The following IL18RAP variants were observed in gnomAD, a reference collection of about 807,000 sequenced individuals.
IL18RAP encodes interleukin-18 receptor accessory protein.
IL18RAP carries 37 observed loss-of-function variants against 58.1 expected under a neutral mutation model. That is an observed-to-expected ratio of 0.64 (90% CI 0.49 to 0.84). The LOEUF is 0.84. IL18RAP is among the 40% of genes least tolerant of loss of function. The probability of loss-of-function intolerance (pLI) is 0.00; values close to 1 mark genes in which losing one functional copy is unlikely to be tolerated. For missense variants in IL18RAP, 667 were observed against 704.8 expected (o/e 0.95, Z 0.61); for synonymous variants, 268 against 257.5 (o/e 1.04, Z -0.39).
At position 102,450,941 on chromosome 2, in the gene IL18RAP, T is replaced by C; in HGVS notation, c.1304T>C (p.Leu435Pro). The C allele has an allele frequency of 3.1e-6, 5 of 1,612,412 alleles. No individual in the cohort carries two copies. The highest frequency in any genetic ancestry group is 4.2e-6 in the Non-Finnish European group (5 of 1,179,274). The change falls in exon 9 of 10, where the codon CTG becomes CCG. Residue 435 changes from leucine (L) to proline (P), a missense_variant. Physicochemically the swap from Leu to Pro is moderately conservative, Grantham distance 98. Coordinates refer to ENST00000687160, the MANE Select transcript of IL18RAP (RefSeq NM_001393487.1). ...TCTCTGAGTGAAGAACACTTGGCCC[T>C]GAGCCTATTTCCTGATGTTTTAGAA... ...TSSLSEEHLA[L>P]SLFPDVLENK... is the part of the protein sequence containing the mutation.
intron 3 of IL18RAP, among the ~76,000 whole-genome samples, chr2:102,431,792 CTAT>C (rs34168805): frequency 0.53 from 80,942 of 151,328 alleles, 23,523 homozygotes; most frequent in African/African-American, 0.74. Context: ...TTCTATTTCT[CTAT>C]TATTAAACTT....
intron 4 of IL18RAP, among the ~76,000 whole-genome samples, chr2:102,440,891 T>G (rs1232900662): frequency 6.6e-6 from 1 of 152,150 alleles, no homozygotes; most frequent in Admixed American, 6.5e-5. Flanking sequence ...AAATAAACCA[T>G]GAGTTTAAGG....
At chr2:102,432,716 C>T (rs546062445) in intron 3 of IL18RAP, among the ~76,000 whole-genome samples, 204 of 152,302 alleles carry the variant, frequency 1.3e-3, no homozygotes, top group Non-Finnish European at 2.3e-3. Flanking sequence ...TGCTGACCTG[C>T]CTTTGCCTCC....
At chr2:102,428,743 T>C (rs1305543805) in intron 3 of IL18RAP, among the ~76,000 whole-genome samples, 1 of 151,962 alleles carries the variant, frequency 6.6e-6, no homozygotes, top group East Asian at 1.9e-4. Flanking sequence ...AGTGCTATGA[T>C]GAAACGAGGT....
At chr2:102,418,666 TC>T (rs1179929367), upstream of IL18RAP, 3 of 152,302 alleles carry the variant, frequency 2.0e-5, no homozygotes, top group African/African-American at 7.2e-5. Flanking sequence ...TATTTGATTT[TC>T]CTCTGTATGA....
Position 102,440,772 on chromosome 2 carries a change from T to C in IL18RAP, c.731-540T>C, listed in dbSNP as rs894765048. Among the ~76,000 whole-genome samples the C allele has an allele frequency of 4.6e-5, 7 of 152,108 alleles. No homozygotes were observed. The East Asian group carries it at 1.2e-3, about 25-fold the overall frequency. ...TTCTTTATCCAGAAAAAGACACACC[T>C]TCAGGAGGAAGTTTGACAGTGGAGG... On this transcript the variant is annotated intron_variant, in intron 4 of 9. Coordinates refer to ENST00000687160, the MANE Select transcript of IL18RAP (RefSeq NM_001393487.1).
chr2:102,419,499 T>C (rs997385319), upstream of IL18RAP: 3 of 152,364 alleles, frequency 2.0e-5, no homozygotes, highest in African/African-American at 7.2e-5. Flanking sequence ...CACTTTCCTC[T>C]CTCTCCCCCG....
chr2:102,420,652 T>C (rs11465682), upstream of IL18RAP, among the ~76,000 whole-genome samples: 2 of 152,342 alleles, frequency 1.3e-5, no homozygotes, highest in Non-Finnish European at 2.9e-5. Flanking sequence ...TTAGCAACCA[T>C]CTGATCTTAT....
chr2:102,421,530 G>A (rs972778936), upstream of IL18RAP, among the ~76,000 whole-genome samples: 2 of 152,220 alleles, frequency 1.3e-5, no homozygotes, highest in African/African-American at 4.8e-5. Flanking sequence ...ACAAGGGAAA[G>A]GCAAGTGGGG....
Position 102,447,130 on chromosome 2 carries a change from G to C in IL18RAP, c.1133G>C (p.Ser378Thr). The C allele has an allele frequency of 2.5e-6, 4 of 1,614,146 alleles. No individual in the cohort carries two copies. The highest frequency in any genetic ancestry group is 2.5e-6 in the Non-Finnish European group (3 of 1,180,028). Residue 378 changes from serine to threonine, a missense_variant, in exon 8 of 10, where the codon AGT becomes ACT. Physicochemically the swap from Ser to Thr is moderately conservative, Grantham distance 58. Coordinates refer to ENST00000687160, the MANE Select transcript of IL18RAP (RefSeq NM_001393487.1). Reference sequence around the variant, plus strand: ...ACCCTGGTGGCCGTGCTGGCGGCGAGTGCCCTCCTCTACAGGCACTGGATT... The same window carrying C: ...ACCCTGGTGGCCGTGCTGGCGGCGACTGCCCTCCTCTACAGGCACTGGATT... ...IGTLVAVLAA[S>T]ALLYRHWIEI...
At chr2:102,436,819 G>GTGTA (rs1553404995) in intron 3 of IL18RAP, among the ~76,000 whole-genome samples, 1,562 of 149,964 alleles carry the variant, frequency 0.01, 25 homozygotes, top group African/African-American at 0.036. Context: ...GTGTGTGTGT[G>GTGTA]TATATATATA....
At chr2:102,426,959 CTA>C (rs1257270594) in intron 3 of IL18RAP, among the ~76,000 whole-genome samples, 1 of 152,130 alleles carries the variant, frequency 6.6e-6, no homozygotes, top group Non-Finnish European at 1.5e-5. Flanking sequence ...TTCTCTACTT[CTA>C]TGAGTTCAAC....
intron 8 of IL18RAP, 42 bp from the exon 9 acceptor site, chr2:102,450,806 G>C: frequency 7.4e-7 from 1 of 1,343,906 alleles, no homozygotes; most frequent in Non-Finnish European, 1.0e-6. Flanking sequence ...GTAAAAAAAA[G>C]AGTAAATGAC....
chr2:102,428,084 G>A (rs1682080201), intron 3 of IL18RAP, among the ~76,000 whole-genome samples: 1 of 151,066 alleles, frequency 6.6e-6, no homozygotes, highest in African/African-American at 2.4e-5. Flanking sequence ...CCAGTACCAT[G>A]CTGTTTTGAT....
Position 102,431,087 on chromosome 2 carries a change from C to T in IL18RAP, c.580-6125C>T, listed in dbSNP as rs1464746387. On this transcript the variant is annotated intron_variant, in intron 3 of 9. Coordinates refer to ENST00000687160, the MANE Select transcript of IL18RAP (RefSeq NM_001393487.1). ...GGCATTCATTTCAGTTTAAATAATT[C>T]CTTTTAGCAATTCTTAAAAGTAGAC... Among the ~76,000 whole-genome samples the T allele has an allele frequency of 2.0e-5, 3 of 152,124 alleles. No homozygotes were observed. The South Asian group carries it at 6.2e-4, about 32-fold the overall frequency.
intron 7 of IL18RAP, 41 bp from the exon 8 acceptor site, chr2:102,447,029 C>T (rs11465722): frequency 0.076 from 122,339 of 1,601,058 alleles, 5,279 homozygotes; most frequent in Non-Finnish European, 0.086. Context: ...GGTCCAATCC[C>T]GCTGCCTCTA....
chr2:102,433,047 T>C (rs974887777), intron 3 of IL18RAP, among the ~76,000 whole-genome samples: 2 of 152,148 alleles, frequency 1.3e-5, no homozygotes, highest in East Asian at 1.9e-4. Flanking sequence ...TGTACTGGCC[T>C]AGGGCACCGA....
intron 4 of IL18RAP, 73 bp downstream of exon 4, chr2:102,437,435 G>A (rs1682824115): frequency 1.4e-6 from 2 of 1,466,366 alleles, no homozygotes; most frequent in East Asian, 4.7e-5. Flanking sequence ...GGCTTAGTAA[G>A]TTTTTCCTCT....
intron 6 of IL18RAP, among the ~76,000 whole-genome samples, 164 bp downstream of exon 6, chr2:102,443,487 T>G (rs1052855978): frequency 1.3e-5 from 2 of 152,188 alleles, no homozygotes; most frequent in Non-Finnish European, 2.9e-5. Context: ...GAATGAAATA[T>G]TTAAGTTGTT....
Sources: allele counts gnomAD v4.1 joint callset (sites outside exome capture counted in the v4.1 genomes callset), GRCh38; gene constraint gnomAD v4.1.1; transcripts MANE v1.5; gene names NCBI Gene and HGNC (gene_info 2026-07-23, HGNC 2026-07-21).